The following CHCHD3 variants were observed in gnomAD, a reference collection of about 807,000 sequenced individuals.
The protein encoded by CHCHD3 is MICOS complex subunit MIC19.
CHCHD3 carries 20 observed loss-of-function variants against 38.2 expected under a neutral mutation model. That is an observed-to-expected ratio of 0.52 (90% CI 0.37 to 0.76). The LOEUF (loss-of-function observed/expected upper bound fraction) is 0.76, where lower values mean the gene tolerates loss of function less well. Ranked by LOEUF, CHCHD3 falls within the 30% of genes least tolerant of loss-of-function variation. The pLI is 0.00. For synonymous variants in CHCHD3, 82 were observed against 100.0 expected, an observed-to-expected ratio of 0.82 and a Z score of 1.07; for missense variants, 245 against 279.2, an observed-to-expected ratio of 0.88 and a Z score of 0.87.
chr7:133,019,137 C>T (rs1477340562), intron 3 of CHCHD3, among the ~76,000 whole-genome samples: 1 of 152,002 alleles, frequency 6.6e-6, no homozygotes, highest in Non-Finnish European at 1.5e-5. Context: ...CCCACCTCAG[C>T]CTCCCAAAGT....
intron 6 of CHCHD3, among the ~76,000 whole-genome samples, chr7:132,827,830 C>T (rs141374499): frequency 1.4e-3 from 208 of 152,250 alleles, no homozygotes; most frequent in African/African-American, 3.1e-3. Context: ...GAGATCCATC[C>T]GTGCTGTTAC....
chr7:133,025,513 T>C (rs1025949424), intron 2 of CHCHD3, among the ~76,000 whole-genome samples: 22 of 152,170 alleles, frequency 1.4e-4, no homozygotes, highest in Admixed American at 4.6e-4. Context: ...TTTCTCTTTG[T>C]TTGTTTGTTG....
At chr7:133,063,342 A>AG (rs2117525125) in intron 2 of CHCHD3, among the ~76,000 whole-genome samples, 2 of 152,174 alleles carry the variant, frequency 1.3e-5, no homozygotes, top group South Asian at 4.2e-4. Context: ...CTGCCACTCT[A>AG]CCTAGACCAG....
intron 6 of CHCHD3, among the ~76,000 whole-genome samples, chr7:132,835,176 T>A (rs759295220): frequency 1.8e-4 from 27 of 150,406 alleles, no homozygotes; most frequent in Non-Finnish European, 3.4e-4. Flanking sequence ...AAGACAGGGA[T>A]TCACCATGTT....
chr7:132,898,853 TA>T (rs1274444415), intron 4 of CHCHD3, among the ~76,000 whole-genome samples: 5 of 152,222 alleles, frequency 3.3e-5, no homozygotes, highest in African/African-American at 9.6e-5. Context: ...GCCCAGGTGC[TA>T]AGCCCCTCAT....
intron 4 of CHCHD3, among the ~76,000 whole-genome samples, chr7:132,902,425 CCAT>C (rs1255347392): frequency 2.6e-5 from 4 of 152,198 alleles, no homozygotes; most frequent in African/African-American, 9.7e-5. Flanking sequence ...ACCCAAATGT[CCAT>C]CAATGATAGA....
intron 3 of CHCHD3, among the ~76,000 whole-genome samples, chr7:133,004,168 G>C (rs767361340): frequency 1.3e-5 from 2 of 151,944 alleles, no homozygotes; most frequent in Non-Finnish European, 2.9e-5. Context: ...CACCATATTG[G>C]CCAGGTTGGT....
At chr7:132,866,640 G>C (rs926724604) in intron 5 of CHCHD3, among the ~76,000 whole-genome samples, 1 of 152,120 alleles carries the variant, frequency 6.6e-6, no homozygotes, top group East Asian at 1.9e-4. Flanking sequence ...GATTCATAAG[G>C]CTTATTTACT....
At chr7:133,016,676 T>C (rs1252733741) in intron 3 of CHCHD3, among the ~76,000 whole-genome samples, 3 of 152,218 alleles carry the variant, frequency 2.0e-5, no homozygotes. Context: ...CCTTTTTAGC[T>C]CGAGGCTATA....
At chr7:132,936,581 C>A (rs1230700067) in intron 4 of CHCHD3, among the ~76,000 whole-genome samples, 1 of 152,150 alleles carries the variant, frequency 6.6e-6, no homozygotes, top group African/African-American at 2.4e-5. Context: ...GTATGCAGGA[C>A]CTTAAGCTTG....
intron 2 of CHCHD3, among the ~76,000 whole-genome samples, chr7:133,042,092 T>C (rs571053385): frequency 6.6e-6 from 1 of 152,234 alleles, no homozygotes; most frequent in Non-Finnish European, 1.5e-5. Flanking sequence ...ACTGCCACAT[T>C]CCTAGGAAAT....
chr7:133,003,089 G>A (rs1812613085), intron 3 of CHCHD3, among the ~76,000 whole-genome samples: 1 of 152,142 alleles, frequency 6.6e-6, no homozygotes, highest in South Asian at 2.1e-4. Context: ...GATAGTTTAT[G>A]AAAAATAAAT....
intron 1 of CHCHD3, among the ~76,000 whole-genome samples, chr7:133,078,565 G>GA (rs970768426): frequency 3.9e-5 from 6 of 152,172 alleles, no homozygotes; most frequent in Admixed American, 2.6e-4. Context: ...GTCATTATAT[G>GA]AAAAAAATAA....
intron 4 of CHCHD3, among the ~76,000 whole-genome samples, chr7:132,958,242 G>A (rs138341845): frequency 1.3e-5 from 2 of 152,052 alleles, no homozygotes; most frequent in African/African-American, 4.8e-5. Flanking sequence ...AACCATTGCT[G>A]GTCTTTTACA....
intron 1 of CHCHD3, among the ~76,000 whole-genome samples, chr7:133,080,677 C>T (rs1815147892): frequency 6.6e-6 from 1 of 152,110 alleles, no homozygotes; most frequent in Non-Finnish European, 1.5e-5. Context: ...AAATGTAGTA[C>T]TACCATTAAT....
chr7:132,867,149 TTC>T (rs1231802081), intron 5 of CHCHD3, among the ~76,000 whole-genome samples: 2 of 152,192 alleles, frequency 1.3e-5, no homozygotes, highest in African/African-American at 2.4e-5. Flanking sequence ...CCAGAGGAAT[TTC>T]TGTCTGCTTT....
At chr7:132,962,597 C>A (rs1811349244) in intron 4 of CHCHD3, among the ~76,000 whole-genome samples, 1 of 152,100 alleles carries the variant, frequency 6.6e-6, no homozygotes, top group Admixed American at 6.6e-5. Context: ...TTTAATGATG[C>A]AAGTTGGATG....
At chr7:132,880,481 G>T (rs1437864395) in intron 5 of CHCHD3, among the ~76,000 whole-genome samples, 6 of 152,106 alleles carry the variant, frequency 3.9e-5, no homozygotes, top group Non-Finnish European at 7.4e-5. Flanking sequence ...GAATTTAAAT[G>T]GCTAGTGAAG....
At position 132,894,682 on chromosome 7, in the gene CHCHD3, A is replaced by G. The variant is rs370424989; in HGVS notation, c.370-8937T>C. ...CTTTCCACAAGGAAACACTCAGTACACAGTAGCTGAATCAAATGAACTGCA... is the reference window on the plus strand; with the variant it reads ...CTTTCCACAAGGAAACACTCAGTACGCAGTAGCTGAATCAAATGAACTGCA... On this transcript the variant is annotated intron_variant, in intron 4 of 7. Transcript: ENST00000262570. Among the ~76,000 whole-genome samples, 128 of 152,336 alleles carry G rather than the reference A, an allele frequency of 8.4e-4. 1 individual carries two copies. In the South Asian group the frequency reaches 0.026, roughly 31 times the overall value.
Sources: gnomAD v4.1 joint callset for allele counts (sites outside exome capture counted in the v4.1 genomes callset) on GRCh38, gnomAD v4.1.1 for gene constraint, MANE v1.5 for transcripts, NCBI Gene and HGNC (gene_info 2026-07-23, HGNC 2026-07-21) for gene names.